Variants in JMY observed in about 807,000 individuals in gnomAD.
JMY encodes the protein junction-mediating and -regulatory protein.
JMY carries 46 observed loss-of-function variants against 103.3 expected under a neutral mutation model. The observed-to-expected ratio is 0.45, with a 90% CI of 0.35 to 0.57. The LOEUF (loss-of-function observed/expected upper bound fraction) is 0.57. Among genes scored for constraint, JMY ranks in the 20% least tolerant of loss-of-function variants. JMY has a pLI of 0.00. For synonymous variants in JMY, 526 were observed against 489.3 expected (o/e 1.07, Z -0.99); for missense variants, 1,238 against 1,255.2 (o/e 0.99, Z 0.21).
At chr5:79,294,546 T>G (rs556618000) in intron 4 of JMY, among the ~76,000 whole-genome samples, 1 of 152,162 alleles carries the variant, frequency 6.6e-6, no homozygotes. Flanking sequence ...CCAATTCGTG[T>G]GGCTGAAAGA....
chr5:79,252,472 T>C (rs756735600), intron 1 of JMY, among the ~76,000 whole-genome samples: 1 of 152,170 alleles, frequency 6.6e-6, no homozygotes, highest in Non-Finnish European at 1.5e-5. Context: ...AAGTTTTTGT[T>C]AGGTCTGTTT....
chr5:79,293,799 T>G (rs1746491215), intron 4 of JMY, among the ~76,000 whole-genome samples: 1 of 152,208 alleles, frequency 6.6e-6, no homozygotes. Flanking sequence ...AAGAATCCTT[T>G]GTGAGTTTAA....
chr5:79,309,799 T>A (rs1344608947), intron 7 of JMY, among the ~76,000 whole-genome samples: 1 of 152,180 alleles, frequency 6.6e-6, no homozygotes, highest in East Asian at 1.9e-4. Flanking sequence ...GGTCAGAAAC[T>A]GCTTTATAAG....
At chr5:79,263,033 G>A (rs1314876235) in intron 1 of JMY, among the ~76,000 whole-genome samples, 1 of 152,124 alleles carries the variant, frequency 6.6e-6, no homozygotes, top group Non-Finnish European at 1.5e-5. Flanking sequence ...TTGAGGGTTC[G>A]CTTACTGTTG....
At chr5:79,307,527 A>AG (rs1349129569) in intron 7 of JMY, among the ~76,000 whole-genome samples, 5 of 152,082 alleles carry the variant, frequency 3.3e-5, no homozygotes, top group African/African-American at 1.2e-4. Flanking sequence ...TGCCCAGGTT[A>AG]GCCGCAAACT....
At chr5:79,302,940 A>G (rs1746780840) in intron 6 of JMY, among the ~76,000 whole-genome samples, 1 of 152,174 alleles carries the variant, frequency 6.6e-6, no homozygotes, top group Non-Finnish European at 1.5e-5. Flanking sequence ...AGAAAAAGTT[A>G]GTAGGATTTA....
At chr5:79,256,036 C>T (rs1745234254) in intron 1 of JMY, among the ~76,000 whole-genome samples, 1 of 152,270 alleles carries the variant, frequency 6.6e-6, no homozygotes, top group Non-Finnish European at 1.5e-5. Context: ...AAGAATTCCC[C>T]CAGGTCCCTG....
rs1423577288 is a variant in JMY, at chr5:79,237,448, G to C, written c.798G>C (p.Met266Ile). The C allele has an allele frequency of 2.5e-6, 4 of 1,613,896 alleles. No homozygotes were observed. The Admixed American group carries it at 6.7e-5, about 27-fold the overall frequency. ...TGTTCCCCGAGGAACCTTCGGGCAT[G>C]TGGACTGTGCTGTTTGGGGGCGCCC... ...LPVFPEEPSG[M>I]WTVLFGGAPE... The change falls in exon 1 of 11, where the codon ATG (methionine) becomes ATC (isoleucine). Residue 266 changes from methionine to isoleucine, a missense_variant. Physicochemically the swap from Met to Ile is conservative, Grantham distance 10. Transcript: ENST00000396137.
At chr5:79,265,850 G>A (rs951125993) in intron 1 of JMY, among the ~76,000 whole-genome samples, 3 of 148,498 alleles carry the variant, frequency 2.0e-5, no homozygotes, top group South Asian at 2.1e-4. Context: ...GCACGATCTC[G>A]GCTCACTGCA....
At chr5:79,247,285 C>G (rs1744932504) in intron 1 of JMY, among the ~76,000 whole-genome samples, 1 of 152,002 alleles carries the variant, frequency 6.6e-6, no homozygotes, top group Non-Finnish European at 1.5e-5. Context: ...TGATGCAATC[C>G]AAAGGAGGCT....
chr5:79,242,053 TATG>T (rs1414551995), intron 1 of JMY, among the ~76,000 whole-genome samples: 4 of 152,224 alleles, frequency 2.6e-5, no homozygotes, highest in African/African-American at 9.6e-5. Context: ...AAACCTTAAT[TATG>T]ATGGTAGGCT....
At chr5:79,261,320 C>G (rs1745415484) in intron 1 of JMY, among the ~76,000 whole-genome samples, 1 of 152,090 alleles carries the variant, frequency 6.6e-6, no homozygotes, top group African/African-American at 2.4e-5. Flanking sequence ...AAATGCATAT[C>G]TGATTGTTCT....
chr5:79,270,498 A>ATATATTTACATAAATATTTAAAATG (rs1745730957), intron 1 of JMY, among the ~76,000 whole-genome samples: 1 of 80,538 alleles, frequency 1.2e-5, no homozygotes, highest in Non-Finnish European at 2.4e-5. Context: ...TACATAAAAT[A>ATATATTTACATAAATATTTAAAATG]TATATTTACA....
chr5:79,266,900 T>G (rs1162456724), intron 1 of JMY, among the ~76,000 whole-genome samples: 1 of 152,252 alleles, frequency 6.6e-6, no homozygotes, highest in Non-Finnish European at 1.5e-5. Flanking sequence ...AATTGGTTAT[T>G]ATGGCTTTAT....
intron 2 of JMY, among the ~76,000 whole-genome samples, chr5:79,288,716 GTT>G (rs542455082): frequency 1.8e-3 from 259 of 146,570 alleles, no homozygotes; most frequent in African/African-American, 5.7e-3. Flanking sequence ...GTTTTGTTTT[GTT>G]TTTTTTTGTT....
intron 1 of JMY, among the ~76,000 whole-genome samples, chr5:79,257,668 G>A (rs1230257419): frequency 1.3e-5 from 2 of 152,220 alleles, no homozygotes; most frequent in Admixed American, 1.3e-4. Context: ...TATGTTGACA[G>A]CTGATATCAT....
intron 1 of JMY, among the ~76,000 whole-genome samples, chr5:79,268,401 T>A (rs1745645488): frequency 6.6e-6 from 1 of 152,232 alleles, no homozygotes; most frequent in African/African-American, 2.4e-5. Flanking sequence ...TTCACTATTT[T>A]AATAGGTATG....
chr5:79,315,961 A>G (rs774924116), intron 9 of JMY, 39 bp from the exon 10 acceptor site: 1 of 1,548,406 alleles, frequency 6.5e-7, no homozygotes, highest in South Asian at 1.2e-5. Flanking sequence ...AATTAAGTGC[A>G]GTCCTAACTG....
At chr5:79,318,696 C>T (rs996424086) in intron 10 of JMY, among the ~76,000 whole-genome samples, 2 of 147,060 alleles carry the variant, frequency 1.4e-5, no homozygotes, top group South Asian at 2.2e-4. Flanking sequence ...AAAGTAACTT[C>T]GAGTTATTTT....
Sources: allele counts gnomAD v4.1 joint callset (sites outside exome capture counted in the v4.1 genomes callset), GRCh38; gene constraint gnomAD v4.1.1; transcripts MANE v1.5; gene names NCBI Gene and HGNC (gene_info 2026-07-23, HGNC 2026-07-21).